Variants in CSMD2 observed in about 807,000 individuals in gnomAD.
CSMD2 encodes CUB and sushi domain-containing protein 2.
In CSMD2, 130 loss-of-function variants were observed where a neutral mutation model predicts 398.5. The ratio of observed to expected loss-of-function variants is 0.33; its 90% CI spans 0.28 to 0.38. The LOEUF is 0.38. Among genes scored for constraint, CSMD2 ranks in the 10% least tolerant of loss-of-function variants. CSMD2 has a pLI of 1.00. For synonymous variants in CSMD2, 1,828 were observed against 1,908.5 expected, an observed-to-expected ratio of 0.96 and a Z score of 1.10; for missense variants, 3,829 against 4,764.9, an observed-to-expected ratio of 0.80 and a Z score of 5.78.
intron 2 of CSMD2, among the ~76,000 whole-genome samples, chr1:34,079,133 C>CA (rs1656762984): frequency 6.6e-6 from 1 of 152,114 alleles, no homozygotes; most frequent in African/African-American, 2.4e-5. Context: ...AGGGTATCCA[C>CA]AAAAAACCTA....
At chr1:34,121,681 T>C (rs945500973) in intron 1 of CSMD2, among the ~76,000 whole-genome samples, 6 of 152,162 alleles carry the variant, frequency 3.9e-5, no homozygotes, top group African/African-American at 1.4e-4. Context: ...AAAATCACAG[T>C]GTCCCAATTA....
At chr1:33,587,022 C>T (rs1454485637) in intron 45 of CSMD2, 66 bp downstream of exon 45, 1 of 1,308,544 alleles carries the variant, frequency 7.6e-7, no homozygotes, top group Non-Finnish European at 1.1e-6. Flanking sequence ...CGACAGCTCC[C>T]CCCGCCACCT....
intron 3 of CSMD2, among the ~76,000 whole-genome samples, chr1:33,976,904 G>A (rs1558189219): frequency 6.6e-6 from 1 of 151,976 alleles, no homozygotes; most frequent in African/African-American, 2.4e-5. Context: ...TTCCCTTTAG[G>A]TTCTTCAAGT....
chr1:33,951,478 T>C (rs947163357), intron 3 of CSMD2, among the ~76,000 whole-genome samples: 21 of 152,220 alleles, frequency 1.4e-4, no homozygotes, highest in Non-Finnish European at 2.5e-4. Flanking sequence ...CCAAATGACC[T>C]TTAAGGATAG....
intron 13 of CSMD2, among the ~76,000 whole-genome samples, chr1:33,761,266 C>T (rs1485882682): frequency 6.6e-6 from 1 of 152,242 alleles, no homozygotes; most frequent in South Asian, 2.1e-4. Flanking sequence ...TTCCATGTCC[C>T]AAGCAAAGGC....
At position 33,524,946 on chromosome 1, in the gene CSMD2, T is replaced by C. The variant is rs1331174000; in HGVS notation, c.10332A>G (p.Gln3444=). Residue 3444 remains glutamine (Q), a synonymous_variant, in exon 66 of 71, where the codon CAA becomes CAG. Transcript: ENST00000373381. ...QPAMLRVTGF[Q]VANSKVNATM... ...TGGCATTGACCTTGCTGTTGGCAACTTGGAAGCCAGTCACTCTGAGCATGG... is the reference window on the plus strand; with the variant it reads ...TGGCATTGACCTTGCTGTTGGCAACCTGGAAGCCAGTCACTCTGAGCATGG... The C allele has an allele frequency of 6.2e-7, 1 of 1,614,124 alleles. No homozygotes were observed. Among genetic ancestry groups the C allele is most frequent in the Middle Eastern group, 1.6e-4 (1 of 6,084 alleles).
chr1:33,757,052 C>T (rs1046281486), intron 13 of CSMD2, among the ~76,000 whole-genome samples: 1 of 150,614 alleles, frequency 6.6e-6, no homozygotes, highest in Non-Finnish European at 1.5e-5. Context: ...TAAACTATCA[C>T]AAGGACAAAA....
chr1:33,861,348 A>G (rs928965576), intron 5 of CSMD2: 3 of 152,208 alleles, frequency 2.0e-5, no homozygotes, highest in African/African-American at 7.2e-5. Flanking sequence ...GGTATTTTCT[A>G]TGGTTACTTT....
At chr1:33,980,516 T>C (rs1646129018) in intron 3 of CSMD2, among the ~76,000 whole-genome samples, 1 of 152,200 alleles carries the variant, frequency 6.6e-6, no homozygotes, top group African/African-American at 2.4e-5. Context: ...GGATGACTTG[T>C]TCCAGGGCCA....
At chr1:33,842,832 G>A (rs1424397279) in intron 6 of CSMD2, among the ~76,000 whole-genome samples, 2 of 152,172 alleles carry the variant, frequency 1.3e-5, no homozygotes, top group Non-Finnish European at 2.9e-5. Context: ...AGAAAGGCAG[G>A]TGGAGGGCCG....
At position 33,966,576 on chromosome 1, in the gene CSMD2, C is replaced by T. The variant is rs563130404; in HGVS notation, c.518-30622G>A. On this transcript the variant is annotated intron_variant, in intron 3 of 70. Transcript: ENST00000373381. Reference sequence around the variant, plus strand: ...TGAAAAATCATTTCCCAAAATAGAGCCAACTGCCCAGGGTGGTGATGAAAC... The same window carrying T: ...TGAAAAATCATTTCCCAAAATAGAGTCAACTGCCCAGGGTGGTGATGAAAC... Among the ~76,000 whole-genome samples, 9 of 152,200 alleles carry T rather than the reference C, an allele frequency of 5.9e-5. No individual in the cohort carries two copies. The South Asian group carries it at 1.5e-3, about 25-fold the overall frequency.
At chr1:33,698,386 C>T (rs559727036) in intron 24 of CSMD2, among the ~76,000 whole-genome samples, 16 of 152,260 alleles carry the variant, frequency 1.1e-4, no homozygotes, top group East Asian at 5.8e-4. Flanking sequence ...TGAGTCTTGG[C>T]GTTACGATAA....
At chr1:33,790,688 TATCTATCTATCTATC>T (rs1654150001) in intron 11 of CSMD2, among the ~76,000 whole-genome samples, 1 of 134,512 alleles carries the variant, frequency 7.4e-6, no homozygotes. Context: ...TCTATCTATC[TATCTATCTATCTATC>T]ATCTATCTGT....
chr1:33,805,318 C>T (rs1230054067), intron 10 of CSMD2, among the ~76,000 whole-genome samples: 2 of 152,188 alleles, frequency 1.3e-5, no homozygotes, highest in Non-Finnish European at 2.9e-5. Flanking sequence ...ACCCTCACCC[C>T]ATGTGGCTGA....
chr1:33,750,489 G>A lies in CSMD2; in HGVS notation c.1847-6883C>T, dbSNP rs115918263. ...TCACTGTAGATGATAGAGCTGGGAA[G>A]ATGAACCAGTCAGGCCAGTACCAGA... On this transcript the variant is annotated intron_variant, in intron 13 of 70. Coordinates refer to ENST00000373381, the MANE Select transcript of CSMD2 (RefSeq NM_001281956.2). Among the ~76,000 whole-genome samples the A allele has an allele frequency of 4.4e-3, 673 of 152,266 alleles. 8 individuals are homozygous for A. The highest frequency in any genetic ancestry group is 0.016 in the African/African-American group (648 of 41,544).
At chr1:33,638,283 T>C (rs1306492229) in intron 29 of CSMD2, among the ~76,000 whole-genome samples, 2 of 152,206 alleles carry the variant, frequency 1.3e-5, no homozygotes, top group African/African-American at 2.4e-5. Context: ...ATGTGAGTCA[T>C]AGAGATCCAG....
At chr1:33,833,205 G>C (rs921775663) in intron 6 of CSMD2, among the ~76,000 whole-genome samples, 5 of 116,746 alleles carry the variant, frequency 4.3e-5, no homozygotes, top group Admixed American at 1.9e-4. Context: ...TCAAAAAAGA[G>C]AATTTTAGAC....
At chr1:33,734,098 A>C (rs1233007074) in intron 15 of CSMD2, among the ~76,000 whole-genome samples, 2 of 152,188 alleles carry the variant, frequency 1.3e-5, no homozygotes, top group African/African-American at 4.8e-5. Flanking sequence ...GTTCTTCCTT[A>C]ATGCCAAAAT....
At position 33,567,673 on chromosome 1, in the gene CSMD2, G is replaced by A. The variant is rs34239720; in HGVS notation, c.8300C>T (p.Ala2767Val). The A allele has an allele frequency of 1.2e-6, 2 of 1,614,162 alleles. No individual in the cohort carries two copies. Among genetic ancestry groups the A allele is most frequent in the East Asian group, 2.2e-5 (1 of 44,872 alleles). ...AGACATGCCGATCAGGCGGAAGCCA[G>A]CATTGCATTGGTACACCACACTGCC... ...YRGSVVYQCN[A>V]GFRLIGMSVR... is the part of the protein sequence containing the mutation. Residue 2767 changes from alanine to valine, a missense_variant, in exon 53 of 71, where the codon GCT becomes GTT. This residue lies in a region of CSMD2 where 917 missense variants were observed against 1,199.5 expected (regional missense o/e 0.76). Transcript: ENST00000373381.
Sources: gnomAD v4.1 joint callset for allele counts (sites outside exome capture counted in the v4.1 genomes callset) on GRCh38, gnomAD v4.1.1 for gene constraint, gnomAD v4.1.1 regional missense constraint, MANE v1.5 for transcripts, NCBI Gene and HGNC (gene_info 2026-07-23, HGNC 2026-07-21) for gene names.